The following CDC37L1 variants were observed in gnomAD, a reference collection of about 807,000 sequenced individuals.
CDC37L1 encodes cell division cycle 37 like 1, HSP90 cochaperone.
A neutral mutation model predicts 45.9 loss-of-function variants in CDC37L1; 32 were observed. That is an observed-to-expected ratio of 0.70 (90% confidence interval 0.53 to 0.94). CDC37L1 has a LOEUF of 0.94. Among genes scored for constraint, CDC37L1 ranks in the 40% least tolerant of loss-of-function variants. The pLI, the probability that CDC37L1 is intolerant of heterozygous loss-of-function variation, is 0.00. For missense variants in CDC37L1, 434 were observed against 405.7 expected, an observed-to-expected ratio of 1.07 and a Z score of -0.60; for synonymous variants, 150 against 133.0, an observed-to-expected ratio of 1.13 and a Z score of -0.88.
intron 6 of CDC37L1, chr9:4,702,981 C>T (rs553245468): frequency 1.7e-6 from 2 of 1,150,680 alleles, no homozygotes; most frequent in Non-Finnish European, 2.4e-6. Context: ...ACTGGTCTGC[C>T]TGATGCTAGT....
intron 5 of CDC37L1, among the ~76,000 whole-genome samples, chr9:4,700,719 T>C (rs142542818): frequency 6.6e-6 from 1 of 152,334 alleles, no homozygotes; most frequent in Non-Finnish European, 1.5e-5. Context: ...TCTAAGCACT[T>C]TACATGTATT....
chr9:4,699,419 A>T (rs1170396390), intron 5 of CDC37L1, among the ~76,000 whole-genome samples: 1 of 152,206 alleles, frequency 6.6e-6, no homozygotes, highest in African/African-American at 2.4e-5. Flanking sequence ...AGCATTTCAG[A>T]TATTCAACCT....
At chr9:4,685,254 T>C in intron 2 of CDC37L1, 96 bp downstream of exon 2, 1 of 933,688 alleles carries the variant, frequency 1.1e-6, no homozygotes, top group Non-Finnish European at 1.7e-6. Context: ...CAGAATCCCA[T>C]AAACAGTGTT....
At position 4,684,933 on chromosome 9, in the gene CDC37L1, C is replaced by G; in HGVS notation, c.189C>G (p.Ser63Arg). 6.2e-7 allele frequency: 1 copy of G among 1,613,710 alleles called. No homozygotes were observed. Among genetic ancestry groups the G allele is most frequent in the Non-Finnish European group, 8.5e-7 (1 of 1,179,660 alleles). The part of the protein sequence containing the change: ...ACQKQKEFVK[S>R]SVACKWNLAE... ...AAAAGCAGAAAGAGTTTGTGAAGAGCTCTGTGGCGTGCAAATGGAATCTTG... is the reference window on the plus strand; with the variant it reads ...AAAAGCAGAAAGAGTTTGTGAAGAGGTCTGTGGCGTGCAAATGGAATCTTG... The change falls in exon 2 of 7, where the codon AGC (serine) becomes AGG (arginine). Residue 63 changes from serine (S) to arginine (R), a missense_variant. Coordinates refer to ENST00000381854, the MANE Select transcript of CDC37L1 (RefSeq NM_017913.4).
chr9:4,693,380 C>T (rs1300983247), intron 3 of CDC37L1, among the ~76,000 whole-genome samples: 1 of 151,912 alleles, frequency 6.6e-6, no homozygotes, highest in Non-Finnish European at 1.5e-5. Flanking sequence ...GAGGTTGAGG[C>T]TGCAATGAGT....
intron 1 of CDC37L1, among the ~76,000 whole-genome samples, chr9:4,680,422 TG>T (rs1280760127): frequency 6.6e-6 from 1 of 152,228 alleles, no homozygotes; most frequent in Non-Finnish European, 1.5e-5. Flanking sequence ...CTTTTGACGC[TG>T]GCGTACACCT....
At chr9:4,690,398 G>A (rs1563769155) in intron 3 of CDC37L1, among the ~76,000 whole-genome samples, 1 of 152,168 alleles carries the variant, frequency 6.6e-6, no homozygotes, top group Non-Finnish European at 1.5e-5. Context: ...GATCTCTGCA[G>A]TGCATTGTGC....
At chr9:4,683,004 AAT>A (rs199786254) in intron 1 of CDC37L1, among the ~76,000 whole-genome samples, 2,025 of 143,874 alleles carry the variant, frequency 0.014, 28 homozygotes, top group African/African-American at 0.038. Context: ...ATTAAAATAT[AAT>A]ATATATATTA....
At chr9:4,705,450 G>T (rs780041276) in intron 6 of CDC37L1, among the ~76,000 whole-genome samples, 1 of 152,034 alleles carries the variant, frequency 6.6e-6, no homozygotes, top group East Asian at 1.9e-4. Context: ...AACAAATCCT[G>T]TTGTTTTATT....
intron 1 of CDC37L1, among the ~76,000 whole-genome samples, chr9:4,680,369 A>G (rs192784631): frequency 6.6e-6 from 1 of 152,244 alleles, no homozygotes; most frequent in East Asian, 1.9e-4. Context: ...TTCACATGCG[A>G]TTTTCACCGA....
intron 3 of CDC37L1, among the ~76,000 whole-genome samples, chr9:4,696,512 G>GA (rs1841349656): frequency 6.6e-6 from 1 of 151,462 alleles, no homozygotes; most frequent in South Asian, 2.1e-4. Context: ...AAAAAGAAAA[G>GA]AAAAAAATCT....
chr9:4,699,610 ATAAT>A (rs1841379557), intron 5 of CDC37L1, among the ~76,000 whole-genome samples: 1 of 152,308 alleles, frequency 6.6e-6, no homozygotes, highest in East Asian at 1.9e-4. Context: ...GCAGAACTAA[ATAAT>A]ATATTGTTGA....
intron 5 of CDC37L1, among the ~76,000 whole-genome samples, chr9:4,700,210 C>T (rs2130853210): frequency 6.6e-6 from 1 of 152,266 alleles, no homozygotes; most frequent in South Asian, 2.1e-4. Context: ...GGCTAGAGTG[C>T]AGTGGTGCAA....
At chr9:4,687,091 C>T (rs1841254002) in intron 2 of CDC37L1, among the ~76,000 whole-genome samples, 1 of 151,870 alleles carries the variant, frequency 6.6e-6, no homozygotes. Context: ...AGATGTCAGA[C>T]TGCATGAAGA....
intron 1 of CDC37L1, among the ~76,000 whole-genome samples, chr9:4,680,306 C>T (rs1044191885): frequency 1.3e-5 from 2 of 152,202 alleles, no homozygotes; most frequent in Non-Finnish European, 2.9e-5. Flanking sequence ...TGCACAGTTG[C>T]TAGGAACAGT....
In CDC37L1 at chr9:4,692,855, G is replaced by C. The variant is rs1483376231; in HGVS notation, c.509-4241G>C. Among the ~76,000 whole-genome samples, 3 of 152,128 alleles carry C rather than the reference G, an allele frequency of 2.0e-5. No individual in the cohort carries two copies. In the East Asian group the frequency reaches 5.8e-4, roughly 29 times the overall value. On this transcript the variant is annotated intron_variant, in intron 3 of 6. Transcript: ENST00000381854. Reference sequence around the variant, plus strand: ...AGGACTTGGTGGTCAATTTGATGTGGGAGAAATGGAAATGTCAGAGGAATT... The same window carrying C: ...AGGACTTGGTGGTCAATTTGATGTGCGAGAAATGGAAATGTCAGAGGAATT...
intron 3 of CDC37L1, among the ~76,000 whole-genome samples, chr9:4,694,405 C>T (rs1841327906): frequency 6.6e-6 from 1 of 151,918 alleles, no homozygotes; most frequent in Non-Finnish European, 1.5e-5. Context: ...CATAAAATTC[C>T]ACACTCTTTC....
chr9:4,684,857 C>T lies in CDC37L1; in HGVS notation c.133-20C>T. On this transcript the variant is annotated intron_variant, in intron 1 of 6. Transcript: ENST00000381854. ...CATCCATTGCTTTCTTCATTTCTTA[C>T]AAATATTGTTTTTATCCAGATGTAT... The T allele has an allele frequency of 6.3e-7, 1 of 1,582,218 alleles. No homozygotes were observed. Among genetic ancestry groups the T allele is most frequent in the Non-Finnish European group, 8.6e-7 (1 of 1,156,748 alleles).
At chr9:4,681,678 A>C (rs1375556648) in intron 1 of CDC37L1, among the ~76,000 whole-genome samples, 3 of 152,116 alleles carry the variant, frequency 2.0e-5, no homozygotes, top group Non-Finnish European at 2.9e-5. Context: ...ATTAATTCTG[A>C]GTTCATGTGT....
Sources: gnomAD v4.1 joint callset for allele counts (sites outside exome capture counted in the v4.1 genomes callset) on GRCh38, gnomAD v4.1.1 for gene constraint, MANE v1.5 for transcripts, NCBI Gene and HGNC (gene_info 2026-07-23, HGNC 2026-07-21) for gene names.